Variants in COMMD1 observed in about 807,000 individuals in gnomAD.
COMMD1 encodes COMM domain-containing protein 1.
In COMMD1, 10 loss-of-function variants were observed where a neutral mutation model predicts 17.2. That is an observed-to-expected ratio of 0.58 (90% confidence interval 0.36 to 0.99). The LOEUF is 0.99. Among genes scored for constraint, COMMD1 ranks in the 50% least tolerant of loss-of-function variants. The pLI is 0.01. For synonymous variants in COMMD1, 97 were observed against 91.6 expected (o/e 1.06, Z -0.34); for missense variants, 270 against 231.8 (o/e 1.17, Z -1.07).
chr2:62,019,310 A>G (rs1241397060), intron 2 of COMMD1, among the ~76,000 whole-genome samples: 1 of 151,602 alleles, frequency 6.6e-6, no homozygotes, highest in Non-Finnish European at 1.5e-5. Flanking sequence ...AGTACCTGGG[A>G]TTACAGGCAC....
intron 1 of COMMD1, among the ~76,000 whole-genome samples, chr2:61,988,212 A>G (rs1293604844): frequency 1.3e-5 from 2 of 151,880 alleles, no homozygotes; most frequent in East Asian, 3.9e-4. Flanking sequence ...TTTTCCTTCT[A>G]CTTTTTTCAA....
intron 2 of COMMD1, among the ~76,000 whole-genome samples, chr2:62,091,850 C>G (rs184181530): frequency 6.6e-6 from 1 of 152,180 alleles, no homozygotes. Flanking sequence ...CCTGGTTAGA[C>G]CCCCTCAGTG....
chr2:61,976,363 A>G (rs539604590), intron 1 of COMMD1, among the ~76,000 whole-genome samples: 88 of 152,330 alleles, frequency 5.8e-4, no homozygotes, highest in African/African-American at 2.0e-3. Flanking sequence ...AAGTGGGAGT[A>G]GCTACATTAA....
intron 2 of COMMD1, among the ~76,000 whole-genome samples, chr2:62,043,739 T>C (rs1670300541): frequency 6.6e-6 from 1 of 152,246 alleles, no homozygotes; most frequent in Admixed American, 6.5e-5. Context: ...TTAGCTGTTC[T>C]GAGAGAGGAT....
intron 1 of COMMD1, among the ~76,000 whole-genome samples, chr2:61,975,711 T>G (rs947643842): frequency 1.3e-5 from 2 of 152,246 alleles, no homozygotes; most frequent in African/African-American, 4.8e-5. Flanking sequence ...TTCTCTAGAC[T>G]TCTTCTTTGA....
chr2:61,892,474 G>C (rs9750296), intron 1 of COMMD1, among the ~76,000 whole-genome samples: 149,045 of 151,954 alleles, frequency 0.98, 73,103 homozygotes, highest in East Asian at 1. Context: ...GGGTGGATCA[G>C]CTGAGGTCAG....
At position 62,086,384 on chromosome 2, in the gene COMMD1, G is replaced by A. The variant is rs574474638; in HGVS notation, c.463-49447G>A. ...AAATTAGCCAGGCCTGGCGGCGTGC[G>A]CCTGTAGTCCCAGCTGCTGGGAAGG... On this transcript the variant is annotated intron_variant, in intron 2 of 2. Transcript: ENST00000311832. Among the ~76,000 whole-genome samples the A allele has an allele frequency of 3.0e-4, 46 of 151,784 alleles. No homozygotes were observed. The South Asian group carries it at 9.4e-3, about 31-fold the overall frequency.
At chr2:61,957,814 G>C (rs958600046) in intron 1 of COMMD1, among the ~76,000 whole-genome samples, 1 of 152,062 alleles carries the variant, frequency 6.6e-6, no homozygotes, top group Non-Finnish European at 1.5e-5. Context: ...CCTGTTAAGA[G>C]TTGTAAATAA....
intron 2 of COMMD1, among the ~76,000 whole-genome samples, chr2:62,005,908 C>A (rs959490981): frequency 2.8e-4 from 42 of 151,560 alleles, no homozygotes; most frequent in African/African-American, 1.0e-3. Context: ...ATGTTTACTG[C>A]GGCACTATTC....
chr2:62,054,811 A>G (rs935142746), intron 2 of COMMD1, among the ~76,000 whole-genome samples: 6 of 152,232 alleles, frequency 3.9e-5, no homozygotes, highest in African/African-American at 7.2e-5. Flanking sequence ...CTTGACCTCT[A>G]TGCAATCTAT....
At chr2:62,067,897 A>C (rs1231143973) in intron 2 of COMMD1, among the ~76,000 whole-genome samples, 1 of 152,212 alleles carries the variant, frequency 6.6e-6, no homozygotes, top group African/African-American at 2.4e-5. Flanking sequence ...TTTGAGGTAC[A>C]GTGTTCTGTG....
chr2:62,100,764 C>T lies in COMMD1; in HGVS notation c.463-35067C>T, dbSNP rs975914182. The stretch of plus-strand genomic sequence containing the variant: ...CAATAGATGAAAAATATTTCCTATT[C>T]GGATCTTTAAAAGGTACTAGACTTT... On this transcript the variant is annotated intron_variant, in intron 2 of 2. Transcript: ENST00000311832. Among the ~76,000 whole-genome samples, 7 of 152,128 alleles carry T rather than the reference C, an allele frequency of 4.6e-5. No homozygotes were observed. In the South Asian group the frequency reaches 8.3e-4, roughly 18 times the overall value.
chr2:62,115,385 C>T (rs1055710886), intron 2 of COMMD1, among the ~76,000 whole-genome samples: 3 of 152,172 alleles, frequency 2.0e-5, no homozygotes, highest in African/African-American at 7.2e-5. Flanking sequence ...GCCTGTTTGG[C>T]TGGAATATCA....
intron 1 of COMMD1, among the ~76,000 whole-genome samples, chr2:61,990,478 A>C (rs529299102): frequency 3.3e-5 from 5 of 152,312 alleles, no homozygotes; most frequent in African/African-American, 1.2e-4. Context: ...CTTTGAGTCC[A>C]GGAGTTCAAG....
At chr2:62,063,899 T>TATATA in intron 2 of COMMD1, among the ~76,000 whole-genome samples, 1 of 44,224 alleles carries the variant, frequency 2.3e-5, no homozygotes, top group African/African-American at 9.7e-5. Context: ...ATATATATAT[T>TATATA]AGCCAGGCAT....
chr2:62,054,680 G>T (rs1028631254), intron 2 of COMMD1, among the ~76,000 whole-genome samples: 5 of 152,042 alleles, frequency 3.3e-5, no homozygotes, highest in African/African-American at 9.7e-5. Flanking sequence ...GTAGAGAGGT[G>T]GATAGATAAT....
At chr2:61,951,895 C>A (rs1460818802) in intron 1 of COMMD1, among the ~76,000 whole-genome samples, 1 of 152,166 alleles carries the variant, frequency 6.6e-6, no homozygotes, top group African/African-American at 2.4e-5. Context: ...ATACAATACT[C>A]TTTTTTTGTC....
intron 1 of COMMD1, among the ~76,000 whole-genome samples, chr2:61,992,427 C>G (rs554287712): frequency 9.2e-5 from 14 of 152,270 alleles, no homozygotes; most frequent in South Asian, 6.2e-4. Flanking sequence ...ATTGCAAAGT[C>G]ATGTGAGACA....
chr2:62,048,677 A>AT (rs1342973972), intron 2 of COMMD1, among the ~76,000 whole-genome samples: 1 of 151,086 alleles, frequency 6.6e-6, no homozygotes, highest in African/African-American at 2.4e-5. Context: ...TTTTCAGCAG[A>AT]TTTTTTTCTC....
Sources: allele counts gnomAD v4.1 joint callset (sites outside exome capture counted in the v4.1 genomes callset), GRCh38; gene constraint gnomAD v4.1.1; transcripts MANE v1.5; gene names NCBI Gene and HGNC (gene_info 2026-07-23, HGNC 2026-07-21).